The following SGCZ variants were observed in gnomAD, a reference collection of about 807,000 sequenced individuals.
SGCZ encodes sarcoglycan zeta, also known as zeta-sarcoglycan.
SGCZ carries 40 observed loss-of-function variants against 41.3 expected under a neutral mutation model. The observed-to-expected ratio is 0.97, with a 90% CI of 0.75 to 1.26. SGCZ has a LOEUF of 1.26. Among genes scored for constraint, SGCZ ranks in the 50% most tolerant of loss-of-function variants. SGCZ has a pLI of 0.00. For synonymous variants in SGCZ, 206 were observed against 137.5 expected, an observed-to-expected ratio of 1.50 and a Z score of -3.49; for missense variants, 552 against 369.8, an observed-to-expected ratio of 1.49 and a Z score of -4.04.
chr8:14,638,953 C>T (rs1054183836), intron 1 of SGCZ, among the ~76,000 whole-genome samples: 5 of 151,218 alleles, frequency 3.3e-5, no homozygotes, highest in Admixed American at 1.3e-4. Flanking sequence ...TTCACCTGCA[C>T]TAACAATAAT....
At chr8:14,706,460 C>A (rs1418592882) in intron 1 of SGCZ, among the ~76,000 whole-genome samples, 2 of 152,058 alleles carry the variant, frequency 1.3e-5, no homozygotes, top group Non-Finnish European at 2.9e-5. Context: ...CTATTCTATG[C>A]CTTTTTGATT....
intron 1 of SGCZ, among the ~76,000 whole-genome samples, chr8:15,191,289 G>A (rs905514436): frequency 6.6e-6 from 1 of 151,864 alleles, no homozygotes; most frequent in East Asian, 1.9e-4. Context: ...TGTATTCAAC[G>A]TATTTATTCT....
chr8:14,928,727 T>C (rs946750871), intron 1 of SGCZ, among the ~76,000 whole-genome samples: 7 of 152,202 alleles, frequency 4.6e-5, no homozygotes, highest in Non-Finnish European at 8.8e-5. Context: ...ACAGAATTGC[T>C]ATAAATGTTA....
chr8:14,638,264 G>A (rs554122541), intron 1 of SGCZ, among the ~76,000 whole-genome samples: 2 of 151,844 alleles, frequency 1.3e-5, no homozygotes, highest in South Asian at 2.1e-4. Context: ...AGTCTACTCC[G>A]TTGCTTCATC....
At chr8:14,129,435 A>T (rs951517647) in intron 5 of SGCZ, among the ~76,000 whole-genome samples, 1 of 151,616 alleles carries the variant, frequency 6.6e-6, no homozygotes, top group African/African-American at 2.4e-5. Context: ...AGACTGAAAA[A>T]TCCATAAACA....
At chr8:15,119,836 G>T (rs62499784) in intron 1 of SGCZ, among the ~76,000 whole-genome samples, 1 of 151,956 alleles carries the variant, frequency 6.6e-6, no homozygotes, top group Non-Finnish European at 1.5e-5. Flanking sequence ...TTTTGAGACA[G>T]TCTCGCTCTG....
intron 2 of SGCZ, among the ~76,000 whole-genome samples, chr8:14,422,573 C>T (rs544205598): frequency 3.2e-4 from 49 of 152,222 alleles, no homozygotes; most frequent in African/African-American, 1.1e-3. Context: ...TTATGTGGAG[C>T]GACTTTTCTG....
chr8:14,515,388 G>C (rs1290516123), intron 2 of SGCZ, among the ~76,000 whole-genome samples: 1 of 152,038 alleles, frequency 6.6e-6, no homozygotes, highest in East Asian at 1.9e-4. Context: ...TCAATAGCAG[G>C]AGGGATATCA....
At chr8:14,760,666 T>C (rs1799836529) in intron 1 of SGCZ, among the ~76,000 whole-genome samples, 1 of 152,222 alleles carries the variant, frequency 6.6e-6, no homozygotes, top group Non-Finnish European at 1.5e-5. Flanking sequence ...CAATAAAATC[T>C]TGACAACTCT....
At chr8:14,470,871 C>T (rs1159088433) in intron 2 of SGCZ, among the ~76,000 whole-genome samples, 1 of 152,130 alleles carries the variant, frequency 6.6e-6, no homozygotes, top group Admixed American at 6.6e-5. Flanking sequence ...TGTATTTAGA[C>T]ACTGGCACTG....
chr8:14,726,424 G>C (rs1474979495), intron 1 of SGCZ, among the ~76,000 whole-genome samples: 1 of 148,590 alleles, frequency 6.7e-6, no homozygotes, highest in Non-Finnish European at 1.5e-5. Context: ...AAATAAAAGA[G>C]TAGAAAAATG....
intron 1 of SGCZ, among the ~76,000 whole-genome samples, chr8:14,597,783 CTTT>C (rs1040146518): frequency 1.1e-4 from 16 of 152,068 alleles, no homozygotes; most frequent in African/African-American, 3.6e-4. Context: ...GGCCTCACTT[CTTT>C]TTATTTCTCT....
At chr8:14,271,024 A>G (rs1800040559) in intron 3 of SGCZ, among the ~76,000 whole-genome samples, 2 of 152,162 alleles carry the variant, frequency 1.3e-5, no homozygotes, top group Admixed American at 1.3e-4. Context: ...AGGAAGGGGA[A>G]CATCACACCC....
rs559486370 is a variant in SGCZ, at chr8:14,706,981, CTT to C, written c.40-152057_40-152056del. On this transcript the variant is annotated intron_variant, in intron 1 of 7. Coordinates refer to ENST00000382080, the MANE Select transcript of SGCZ (RefSeq NM_139167.4). ...ACTTTATGTTGTCATTTAGTCAATT[CTT>C]TTTTTTTTTTTTAAGAGCAGGAGTG... Among the ~76,000 whole-genome samples, 577 of 126,860 alleles carry C rather than the reference CTT, an allele frequency of 4.5e-3. 2 individuals carry two copies. Among genetic ancestry groups the C allele is most frequent in the African/African-American group, 0.014 (509 of 35,650 alleles). 83.2% of individuals were successfully genotyped at this position (126,860 alleles called of 152,430 possible). A position where few individuals can be genotyped will look rare whatever the true frequency, so the allele number is the denominator to read the frequency against.
intron 1 of SGCZ, among the ~76,000 whole-genome samples, chr8:15,141,889 G>C (rs1194543395): frequency 2.0e-5 from 2 of 102,456 alleles, no homozygotes; most frequent in East Asian, 3.0e-4. Flanking sequence ...AACAGTGTGA[G>C]ACTCTCAAAA....
At chr8:15,179,491 T>C (rs183057090) in intron 1 of SGCZ, among the ~76,000 whole-genome samples, 3 of 152,304 alleles carry the variant, frequency 2.0e-5, no homozygotes, top group Admixed American at 1.3e-4. Context: ...TCTCAAGATG[T>C]TCTGATAATT....
intron 1 of SGCZ, among the ~76,000 whole-genome samples, chr8:14,690,028 A>G (rs758766068): frequency 2.0e-5 from 3 of 152,196 alleles, no homozygotes; most frequent in Non-Finnish European, 2.9e-5. Context: ...CTTACTTTCA[A>G]AGGAAGATTT....
intron 1 of SGCZ, among the ~76,000 whole-genome samples, chr8:15,232,389 A>G (rs1038940218): frequency 6.6e-6 from 1 of 152,152 alleles, no homozygotes; most frequent in Non-Finnish European, 1.5e-5. Flanking sequence ...CAAAACTGTA[A>G]TAGCCAGTAT....
rs533295653 is a variant in SGCZ, at chr8:15,232,923, G to A, written c.39+4662C>T. Among the ~76,000 whole-genome samples the A allele has an allele frequency of 5.5e-4, 84 of 151,564 alleles. No individual in the cohort carries two copies. In the Middle Eastern group the frequency reaches 0.017, roughly 31 times the overall value. ...CTTTAATTTTTTCCACATTATAGAT[G>A]TATAGTAACATCACAGTATAACCCA... is the stretch of plus-strand genomic sequence containing the variant. On this transcript the variant is annotated intron_variant, in intron 1 of 7. Coordinates refer to ENST00000382080, the MANE Select transcript of SGCZ (RefSeq NM_139167.4).
Sources: gnomAD v4.1 joint callset for allele counts (sites outside exome capture counted in the v4.1 genomes callset) on GRCh38, gnomAD v4.1.1 for gene constraint, MANE v1.5 for transcripts, NCBI Gene and HGNC (gene_info 2026-07-23, HGNC 2026-07-21) for gene names.